NLRP12: variants seen among roughly 807,000 people sequenced by gnomAD.
NLRP12 encodes the protein NACHT, LRR and PYD domains-containing protein 12.
A neutral mutation model predicts 91.2 loss-of-function variants in NLRP12; 108 were observed. The observed-to-expected ratio is 1.18, with a 90% CI of 1.01 to 1.39. The LOEUF (loss-of-function observed/expected upper bound fraction) is 1.39. NLRP12 is among the 40% of genes most tolerant of loss of function. The pLI, the probability that NLRP12 is intolerant of heterozygous loss-of-function variation, is 0.00. For missense variants in NLRP12, 1,530 were observed against 1,352.7 expected (o/e 1.13, Z -2.06); for synonymous variants, 613 against 566.7 (o/e 1.08, Z -1.16).
At position 53,810,875 on chromosome 19, in the gene NLRP12, A is replaced by G; in HGVS notation, c.784T>C (p.Cys262Arg). The G allele has an allele frequency of 2.5e-6, 4 of 1,614,106 alleles. No homozygotes were observed. Among genetic ancestry groups the G allele is most frequent in the Non-Finnish European group, 3.4e-6 (4 of 1,180,024 alleles). The change falls in exon 3 of 10, where the codon TGC becomes CGC. Residue 262 changes from cysteine to arginine, a missense_variant. Cys to Arg is a radical substitution (Grantham distance 180). Transcript: ENST00000324134. Reference protein sequence around the residue: ...CREMNQSATECSMQDLIFSCW... With the variant: ...CREMNQSATERSMQDLIFSCW... Reference sequence around the variant, plus strand: ...CTGAAGATGAGGTCTTGCATGCTGCATTCCGTGGCACTCTGGTTCATCTCC... The same window carrying G: ...CTGAAGATGAGGTCTTGCATGCTGCGTTCCGTGGCACTCTGGTTCATCTCC...
intron 1 of NLRP12, among the ~76,000 whole-genome samples, chr19:53,816,698 CA>C (rs942874227): frequency 2.6e-5 from 4 of 151,576 alleles, no homozygotes; most frequent in African/African-American, 9.7e-5. Flanking sequence ...GGTAAAAATA[CA>C]AAAAAATAAT....
At chr19:53,817,954 T>C (rs2092187766) in intron 1 of NLRP12, among the ~76,000 whole-genome samples, 3 of 151,598 alleles carry the variant, frequency 2.0e-5, no homozygotes, top group Non-Finnish European at 4.4e-5. Context: ...AGCTAATTTT[T>C]GTATTTTTAG....
intron 2 of NLRP12, among the ~76,000 whole-genome samples, chr19:53,814,213 G>A (rs1426073287): frequency 1.2e-4 from 18 of 152,154 alleles, no homozygotes; most frequent in Admixed American, 1.2e-3. Flanking sequence ...ATGAATTATG[G>A]TTTTGCTAAA....
rs548804330 is a variant in NLRP12, at chr19:53,807,516, T to C, written c.2222A>G (p.Asn741Ser). ...TCACCTCAGGTTCTGAAGTTTGCAGTTGGGGTGTCTGAGTCCTTGACAGAG... is the reference window on the plus strand; with the variant it reads ...TCACCTCAGGTTCTGAAGTTTGCAGCTGGGGTGTCTGAGTCCTTGACAGAG... The part of the protein sequence containing the change: ...KLLCQGLRHP[N>S]CKLQNLRLKR... Residue 741 changes from asparagine (N) to serine (S), a missense_variant, in exon 4 of 10, where the codon AAC (asparagine) becomes AGC (serine). Asn to Ser is a conservative substitution (Grantham distance 46). Transcript: ENST00000324134. The C allele has an allele frequency of 1.2e-4, 198 of 1,614,054 alleles. 2 individuals carry two copies. In the South Asian group the frequency reaches 1.9e-3, roughly 16 times the overall value.
intron 8 of NLRP12, 155 bp from the exon 9 acceptor site, chr19:53,796,184 A>C: frequency 1.4e-6 from 1 of 708,118 alleles, no homozygotes; most frequent in Non-Finnish European, 2.5e-6. Context: ...CTCCTGCCTC[A>C]GCCTCCTGAG....
At chr19:53,802,991 C>G (rs2091899023) in intron 6 of NLRP12, among the ~76,000 whole-genome samples, 1 of 152,134 alleles carries the variant, frequency 6.6e-6, no homozygotes, top group Non-Finnish European at 1.5e-5. Flanking sequence ...TCAAGCCATT[C>G]TCCTGCCTTG....
In NLRP12 at chr19:53,805,315, G is replaced by C. The variant is rs766909819; in HGVS notation, c.2379C>G (p.Gly793=). The change falls in exon 5 of 10, where the codon GGC becomes GGG. Residue 793 remains glycine (G), a synonymous_variant. Coordinates refer to ENST00000324134, the MANE Select transcript of NLRP12 (RefSeq NM_144687.4). The stretch of plus-strand genomic sequence containing the variant: ...GCAGCCTGCACTGGGGATGCCGCAG[G>C]CCCTCGCAAAGCAGCATCATGCCTG... ...GFPGMMLLCE[G]LRHPQCRLQM... 1 of 1,614,056 alleles carries C rather than the reference G, an allele frequency of 6.2e-7. No homozygotes were observed. The highest frequency in any genetic ancestry group is 8.5e-7 in the Non-Finnish European group (1 of 1,179,990).
intron 8 of NLRP12, among the ~76,000 whole-genome samples, chr19:53,797,863 C>T (rs2091795301): frequency 6.6e-6 from 1 of 152,028 alleles, no homozygotes; most frequent in Non-Finnish European, 1.5e-5. Context: ...CTCAGCCTCC[C>T]AAGTAGCTCG....
In NLRP12 at chr19:53,824,048, T is replaced by A. The variant is rs1334033473; in HGVS notation, c.127A>T (p.Ile43Phe). Residue 43 changes from isoleucine (I) to phenylalanine (F), a missense_variant, in exon 1 of 10, where the codon ATC becomes TTC. Ile to Phe is a conservative substitution (Grantham distance 21). Transcript: ENST00000324134. ...GTATELGEGKIPWGSMEKAGP... is the reference protein window; with the variant it reads ...GTATELGEGKFPWGSMEKAGP... ...GCCTTCTCCATGCTTCCCCAGGGGA[T>A]CTTGCCTTCTCCCAGCTCTGTCGCG... 6.2e-7 allele frequency: 1 copy of A among 1,614,136 alleles called. No homozygotes were observed. Among genetic ancestry groups the A allele is most frequent in the African/African-American group, 1.3e-5 (1 of 75,028 alleles).
In NLRP12 at chr19:53,810,970, A is replaced by G; in HGVS notation, c.689T>C (p.Val230Ala). 2 of 1,614,042 alleles carry G rather than the reference A, an allele frequency of 1.2e-6. No individual in the cohort carries two copies. The highest frequency in any genetic ancestry group is 2.7e-5 in the African/African-American group (2 of 75,034). Residue 230 changes from valine to alanine, a missense_variant, in exon 3 of 10, where the codon GTG (valine) becomes GCG (alanine). Coordinates refer to ENST00000324134, the MANE Select transcript of NLRP12 (RefSeq NM_144687.4). ...CTTCCCGTCCGCCCAGTCCAGCATC[A>G]CCTTGTGTGCCAGCATGGACTTGCC... The part of the protein sequence containing the change: ...GIGKSMLAHK[V>A]MLDWADGKLF...
chr19:53,819,441 ATATATATATATATATATGTG>A (rs1273943410), intron 1 of NLRP12, among the ~76,000 whole-genome samples: 2 of 21,158 alleles, frequency 9.5e-5, no homozygotes, highest in East Asian at 2.0e-3. Flanking sequence ...ATATATATAT[ATATATATATATATATATGTG>A]TGTGTGTGTG....
At chr19:53,804,389 T>G (rs2091922485) in intron 5 of NLRP12, among the ~76,000 whole-genome samples, 1 of 134,634 alleles carries the variant, frequency 7.4e-6, no homozygotes, top group Non-Finnish European at 1.6e-5. Flanking sequence ...TTTGTTTTTT[T>G]TGGGTTTTTT....
At chr19:53,817,530 G>A (rs1311108249) in intron 1 of NLRP12, among the ~76,000 whole-genome samples, 3 of 151,760 alleles carry the variant, frequency 2.0e-5, no homozygotes, top group African/African-American at 2.4e-5. Flanking sequence ...GAGGTCAGGA[G>A]TTCAAGACCA....
intron 7 of NLRP12, among the ~76,000 whole-genome samples, chr19:53,799,622 T>C (rs1381098265): frequency 3.3e-5 from 5 of 151,914 alleles, no homozygotes; most frequent in African/African-American, 1.2e-4. Context: ...TACCTGGATA[T>C]CAGGCGTCCG....
At position 53,811,038 on chromosome 19, in the gene NLRP12, G is replaced by C. The variant is rs756994640; in HGVS notation, c.621C>G (p.Pro207=). Residue 207 remains proline, a synonymous_variant, in exon 3 of 10, where the codon CCC becomes CCG. Coordinates refer to ENST00000324134, the MANE Select transcript of NLRP12 (RefSeq NM_144687.4). ...GCATGACCACGGTGCGCGGTGGCTC[G>C]GGGCGCTCCTCGTCTGGCTCAAAGA... ...ETLFEPDEER[P]EPPRTVVMQG... is the part of the protein sequence containing the mutation. 1.9e-6 allele frequency: 3 copies of C among 1,612,782 alleles called. No individual in the cohort carries two copies. Among genetic ancestry groups the C allele is most frequent in the South Asian group, 2.2e-5 (2 of 91,068 alleles).
rs184802632 is a variant in NLRP12, at chr19:53,796,200, G to A, written c.2928-171C>T. ...TCCTGCCTCAGCCTCCTGAGTAGCTGGGATTACAGGTGTGCACCACCACCA... is the reference window on the plus strand; with the variant it reads ...TCCTGCCTCAGCCTCCTGAGTAGCTAGGATTACAGGTGTGCACCACCACCA... On this transcript the variant is annotated intron_variant, in intron 8 of 9. Coordinates refer to ENST00000324134, the MANE Select transcript of NLRP12 (RefSeq NM_144687.4). The A allele has an allele frequency of 6.2e-4, 421 of 679,222 alleles. 3 individuals carry two copies. In the African/African-American group the frequency reaches 6.3e-3, roughly 10 times the overall value. The allele number at this position is 679,222 out of a possible 1,614,324, so 42.1% of individuals were successfully genotyped here.
At chr19:53,794,807 C>T (rs543620692) in intron 9 of NLRP12, among the ~76,000 whole-genome samples, 2,484 of 151,808 alleles carry the variant, frequency 0.016, 65 homozygotes, top group African/African-American at 0.056. Context: ...GCTGGGATTA[C>T]AGTCACGTGC....
chr19:53,794,173 A>G, intron 9 of NLRP12, 37 bp from the exon 10 acceptor site: 1 of 1,335,590 alleles, frequency 7.5e-7, no homozygotes, highest in African/African-American at 1.4e-5. Context: ...CCAGTGTACT[A>G]CTGTGGCATT....
chr19:53,811,294 G>A lies in NLRP12; in HGVS notation c.371-6C>T. 1.9e-6 allele frequency: 3 copies of A among 1,613,640 alleles called. No homozygotes were observed. The highest frequency in any genetic ancestry group is 4.5e-5 in the East Asian group (2 of 44,736). ...CCTGTAGGTTTCCTGGGGATCTAGG[G>A]GAGAGGAATGAAGGTTTTGTGGAAG... On this transcript the variant is annotated splice_region_variant and splice_polypyrimidine_tract_variant and intron_variant, in intron 2 of 9. Coordinates refer to ENST00000324134, the MANE Select transcript of NLRP12 (RefSeq NM_144687.4).
Sources: gnomAD v4.1 joint callset for allele counts (sites outside exome capture counted in the v4.1 genomes callset) on GRCh38, gnomAD v4.1.1 for gene constraint, MANE v1.5 for transcripts, NCBI Gene and HGNC (gene_info 2026-07-23, HGNC 2026-07-21) for gene names.